The following CACNA1H variants were observed in gnomAD, a reference collection of about 807,000 sequenced individuals.
The protein encoded by CACNA1H is calcium voltage-gated channel subunit alpha1 H, also known as voltage-dependent T-type calcium channel subunit alpha-1H.
A neutral mutation model predicts 192.5 loss-of-function variants in CACNA1H; 149 were observed. The ratio of observed to expected loss-of-function variants is 0.77; its 90% confidence interval spans 0.68 to 0.89. The LOEUF is 0.89. Among genes scored for constraint, CACNA1H ranks in the 40% least tolerant of loss-of-function variants. CACNA1H has a pLI of 0.00. For missense variants in CACNA1H, 4,257 were observed against 3,423.5 expected, an observed-to-expected ratio of 1.24 and a Z score of -6.08; for synonymous variants, 2,202 against 1,475.2, an observed-to-expected ratio of 1.49 and a Z score of -11.29.
chr16:1,213,053 G>A lies in CACNA1H; in HGVS notation c.4777+525G>A, dbSNP rs1432636489. 5.2e-4 allele frequency among the ~76,000 whole-genome samples: 79 copies of A among 152,230 alleles called. 2 individuals carry two copies. The highest frequency in any genetic ancestry group is 5.9e-5 in the Non-Finnish European group (4 of 68,030). ...CACCCGCGGGAGCTCCTCCTCGTACGTGGAGGGGCCCTGGAGGCTGAGCAT... is the reference window on the plus strand; with the variant it reads ...CACCCGCGGGAGCTCCTCCTCGTACATGGAGGGGCCCTGGAGGCTGAGCAT... On this transcript the variant is annotated intron_variant, in intron 26 of 34. Coordinates refer to ENST00000348261, the MANE Select transcript of CACNA1H (RefSeq NM_021098.3).
In CACNA1H at chr16:1,217,970, G is replaced by A; in HGVS notation, c.5375G>A (p.Ser1792Asn). The change falls in exon 32 of 35, where the codon AGC (serine) becomes AAC (asparagine). Residue 1792 changes from serine (S) to asparagine (N), a missense_variant. Coordinates refer to ENST00000348261, the MANE Select transcript of CACNA1H (RefSeq NM_021098.3). ...GGCCTGAGCAGGCACGCCACCTTCA[G>A]CAACTTCGGCATGGCCTTCCTCACG... ...CEGLSRHATFSNFGMAFLTLF... is the reference protein window; with the variant it reads ...CEGLSRHATFNNFGMAFLTLF... 6.2e-7 allele frequency: 1 copy of A among 1,605,052 alleles called. No homozygotes were observed.
chr16:1,175,661 A>G (rs1039613445), intron 2 of CACNA1H, among the ~76,000 whole-genome samples: 37 of 152,220 alleles, frequency 2.4e-4, no homozygotes, highest in African/African-American at 8.4e-4. Flanking sequence ...CCTGACACAC[A>G]CTAGTTACTC....
chr16:1,163,426 G>A (rs1963430014), intron 2 of CACNA1H, among the ~76,000 whole-genome samples: 2 of 152,336 alleles, frequency 1.3e-5, no homozygotes, highest in African/African-American at 2.4e-5. Flanking sequence ...GTGAGCTGCC[G>A]GCCTGTGCCC....
chr16:1,196,352 C>T (rs1966971759), intron 5 of CACNA1H, among the ~76,000 whole-genome samples: 2 of 152,260 alleles, frequency 1.3e-5, no homozygotes, highest in African/African-American at 4.8e-5. Flanking sequence ...GAGCAGATCC[C>T]TGGTGGCTTT....
At chr16:1,216,793 T>C in intron 30 of CACNA1H, 139 bp from the exon 31 acceptor site, 1 of 606,272 alleles carries the variant, frequency 1.6e-6, no homozygotes, top group Non-Finnish European at 2.7e-6. Flanking sequence ...GGGAACTTGC[T>C]TCCACTTGGC....
intron 2 of CACNA1H, among the ~76,000 whole-genome samples, chr16:1,177,167 C>T (rs150926247): frequency 5.9e-5 from 9 of 152,204 alleles, no homozygotes; most frequent in Non-Finnish European, 8.8e-5. Flanking sequence ...CAAAGGACAT[C>T]TCGGACTCTC....
chr16:1,201,609 G>A, intron 8 of CACNA1H, 54 bp from the exon 9 acceptor site: 15 of 1,503,100 alleles, frequency 1.0e-5, no homozygotes, highest in Non-Finnish European at 1.2e-5. Flanking sequence ...GGGCTCAGTG[G>A]CGAATCAGAG....
Position 1,217,024 on chromosome 16 carries a change from G to A in CACNA1H, c.5323+14G>A. 1 of 1,576,734 alleles carries A rather than the reference G, an allele frequency of 6.3e-7. No homozygotes were observed. Among genetic ancestry groups the A allele is most frequent in the Non-Finnish European group, 8.6e-7 (1 of 1,160,634 alleles). On this transcript the variant is annotated intron_variant, in intron 31 of 34. Coordinates refer to ENST00000348261, the MANE Select transcript of CACNA1H (RefSeq NM_021098.3). ...TCGGGAGGCTGGGTGAGTGGCTCCT[G>A]CGCCCTCCTCCTGGCACACATGGGG...
At chr16:1,171,009 T>C (rs985218039) in intron 2 of CACNA1H, among the ~76,000 whole-genome samples, 4 of 151,964 alleles carry the variant, frequency 2.6e-5, no homozygotes, top group Admixed American at 2.0e-4. Context: ...ATCCTCTCTC[T>C]AGCTCTCCCC....
chr16:1,202,715 AGGC>A (rs778339476), intron 9 of CACNA1H, among the ~76,000 whole-genome samples: 53 of 152,134 alleles, frequency 3.5e-4, no homozygotes, highest in Admixed American at 5.9e-4. Flanking sequence ...GAATCTGACA[AGGC>A]TTGTCAGACC....
Position 1,204,479 on chromosome 16 carries a change from G to A in CACNA1H, c.2451+21G>A, listed in dbSNP as rs373344097. On this transcript the variant is annotated intron_variant, in intron 10 of 34. Coordinates refer to ENST00000348261, the MANE Select transcript of CACNA1H (RefSeq NM_021098.3). ...AGCAGGTGCGGGCTGGCCTGGCCAC[G>A]GGGTGGGCTCCCTGTCAGGCTTGCA... The A allele has an allele frequency of 7.8e-5, 118 of 1,512,246 alleles. No homozygotes were observed. In the South Asian group the frequency reaches 8.5e-4, roughly 11 times the overall value. 93.7% of individuals were successfully genotyped at this position (1,512,246 alleles called of 1,614,324 possible).
intron 6 of CACNA1H, among the ~76,000 whole-genome samples, chr16:1,199,729 G>A (rs1967564025): frequency 6.7e-6 from 1 of 148,672 alleles, no homozygotes; most frequent in Non-Finnish European, 1.5e-5. Flanking sequence ...TCACCCCAGG[G>A]TCCCCTGAGC....
intron 29 of CACNA1H, 55 bp downstream of exon 29, chr16:1,215,430 G>A: frequency 1.6e-6 from 1 of 623,264 alleles, no homozygotes; most frequent in Non-Finnish European, 2.8e-6. Flanking sequence ...TGGGGGCTCA[G>A]CCATGGGTGG....
At position 1,211,937 on chromosome 16, in the gene CACNA1H, G is replaced by A; in HGVS notation, c.4567-9G>A. The A allele has an allele frequency of 6.2e-7, 1 of 1,613,036 alleles. No individual in the cohort carries two copies. The highest frequency in any genetic ancestry group is 8.5e-7 in the Non-Finnish European group (1 of 1,179,626). On this transcript the variant is annotated splice_polypyrimidine_tract_variant and intron_variant, in intron 24 of 34. Coordinates refer to ENST00000348261, the MANE Select transcript of CACNA1H (RefSeq NM_021098.3). ...AGGCGGGCGGGGACCCACCGCCTCT[G>A]TGCCACAGCCTGTGCAGAACCACAA... is the stretch of plus-strand genomic sequence containing the variant.
intron 10 of CACNA1H, 121 bp downstream of exon 10, chr16:1,204,579 T>G: frequency 1.3e-6 from 1 of 752,376 alleles, no homozygotes; most frequent in Admixed American, 3.0e-5. Context: ...GGCAGGGCTC[T>G]AGAAAGCCGG....
chr16:1,202,126 C>T lies in CACNA1H; in HGVS notation c.1676C>T (p.Pro559Leu). ...GTCCGAGCTGGCGCGCCCCCCTCGC[C>T]ACCTTCCCCAGGCCGCGGACCCCCC... ...RLVRAGAPPS[P>L]PSPGRGPPDA... Residue 559 changes from proline (P) to leucine (L), a missense_variant, in exon 9 of 35, where the codon CCA becomes CTA. Pro to Leu is a moderately conservative substitution (Grantham distance 98). Transcript: ENST00000348261. 6.5e-7 allele frequency: 1 copy of T among 1,547,734 alleles called. No individual in the cohort carries two copies. The highest frequency in any genetic ancestry group is 8.7e-7 in the Non-Finnish European group (1 of 1,146,098).
chr16:1,215,390 G>A lies in CACNA1H; in HGVS notation c.5173+15G>A, dbSNP rs755904820. 1.0e-5 allele frequency: 15 copies of A among 1,434,062 alleles called. No homozygotes were observed. Among genetic ancestry groups the A allele is most frequent in the African/African-American group, 1.5e-5 (1 of 68,826 alleles). 88.8% of individuals were successfully genotyped at this position (1,434,062 alleles called of 1,614,324 possible). On this transcript the variant is annotated intron_variant, in intron 29 of 34. Coordinates refer to ENST00000348261, the MANE Select transcript of CACNA1H (RefSeq NM_021098.3). Reference sequence around the variant, plus strand: ...CATTGCCCGTGGTAGGTGCCCGCGTGCCCGCCAGGTTCTCTCTGCGGGTGG... The same window carrying A: ...CATTGCCCGTGGTAGGTGCCCGCGTACCCGCCAGGTTCTCTCTGCGGGTGG...
chr16:1,214,831 G>A lies in CACNA1H; in HGVS notation c.4930-141G>A, dbSNP rs1204423434. 5.8e-5 allele frequency: 37 copies of A among 634,504 alleles called. No individual in the cohort carries two copies. In the East Asian group the frequency reaches 7.1e-4, roughly 12 times the overall value. 39.3% of individuals were successfully genotyped at this position (634,504 alleles called of 1,614,324 possible). On this transcript the variant is annotated intron_variant, in intron 27 of 34. Coordinates refer to ENST00000348261, the MANE Select transcript of CACNA1H (RefSeq NM_021098.3). ...CTGGAGGAGGGCCGAAGAGGCTCCC[G>A]GTGCCCAGGGAGGAGCTACTGAGCT... is the stretch of plus-strand genomic sequence containing the variant.
At chr16:1,185,584 T>G (rs375409130) in intron 2 of CACNA1H, among the ~76,000 whole-genome samples, 16 of 26,048 alleles carry the variant, frequency 6.1e-4, no homozygotes, top group Non-Finnish European at 1.1e-3. Flanking sequence ...CCATGGCGGG[T>G]GAGTAGACGG....
Sources: gnomAD v4.1 joint callset for allele counts (sites outside exome capture counted in the v4.1 genomes callset) on GRCh38, gnomAD v4.1.1 for gene constraint, MANE v1.5 for transcripts, NCBI Gene and HGNC (gene_info 2026-07-23, HGNC 2026-07-21) for gene names.